Variants in TSNAX observed in about 807,000 individuals in gnomAD.
TSNAX encodes the protein translin-associated protein X.
A neutral mutation model predicts 33.0 loss-of-function variants in TSNAX; 12 were observed. The ratio of observed to expected loss-of-function variants is 0.36; its 90% CI spans 0.23 to 0.59. TSNAX has a LOEUF of 0.59. Ranked by LOEUF, TSNAX falls within the 20% of genes least tolerant of loss-of-function variation. The pLI is 0.74. For synonymous variants in TSNAX, 110 were observed against 117.2 expected (o/e 0.94, Z 0.40); for missense variants, 267 against 341.3 (o/e 0.78, Z 1.72).
At chr1:231,552,960 T>G (rs143894222) in intron 4 of TSNAX, among the ~76,000 whole-genome samples, 2 of 152,358 alleles carry the variant, frequency 1.3e-5, no homozygotes, top group East Asian at 3.9e-4. Context: ...GTCTGTTTTA[T>G]GGATATACTG....
intron 4 of TSNAX, among the ~76,000 whole-genome samples, chr1:231,552,193 G>T (rs1660357764): frequency 6.6e-6 from 1 of 152,046 alleles, no homozygotes; most frequent in Non-Finnish European, 1.5e-5. Flanking sequence ...GCTGAGGCAG[G>T]AGAGAGAATC....
chr1:231,533,109 C>T (rs947062815), intron 2 of TSNAX, among the ~76,000 whole-genome samples: 1 of 151,172 alleles, frequency 6.6e-6, no homozygotes, highest in South Asian at 2.1e-4. Context: ...CTCTGTCACC[C>T]AGACTGGCGT....
At chr1:231,557,102 A>G (rs747689486) in intron 4 of TSNAX, among the ~76,000 whole-genome samples, 19 of 152,082 alleles carry the variant, frequency 1.2e-4, no homozygotes, top group Admixed American at 6.5e-5. Flanking sequence ...CCAGGTTTGG[A>G]AGGAAGGTAG....
At chr1:231,532,131 A>ACAC (rs1231238804) in intron 2 of TSNAX, among the ~76,000 whole-genome samples, 2 of 85,150 alleles carry the variant, frequency 2.3e-5, no homozygotes, top group Admixed American at 1.4e-4. Flanking sequence ...TAGTGGTAAT[A>ACAC]ACACACACAC....
chr1:231,546,801 G>T (rs1426540710), intron 4 of TSNAX, among the ~76,000 whole-genome samples: 1 of 152,178 alleles, frequency 6.6e-6, no homozygotes, highest in Non-Finnish European at 1.5e-5. Context: ...GCTCTCTGGG[G>T]CTCTGCTGTT....
chr1:231,556,415 T>C (rs1660698735), intron 4 of TSNAX, among the ~76,000 whole-genome samples: 6 of 152,240 alleles, frequency 3.9e-5, no homozygotes, highest in Admixed American at 3.9e-4. Flanking sequence ...ACAGAAATGC[T>C]ATTTGTTTCT....
intron 5 of TSNAX, among the ~76,000 whole-genome samples, chr1:231,561,948 T>C (rs1376814080): frequency 6.6e-6 from 1 of 152,202 alleles, no homozygotes; most frequent in Admixed American, 6.5e-5. Context: ...AATCATTTAC[T>C]CAATTCATAA....
At position 231,564,504 on chromosome 1, in the gene TSNAX, TG is replaced by T. The variant is rs781684884; in HGVS notation, c.496-23del. On this transcript the variant is annotated intron_variant, in intron 5 of 5. Coordinates refer to ENST00000366639, the MANE Select transcript of TSNAX (RefSeq NM_005999.3). ...TCTTGTGTGTGTGTGTGTGTGTTTT[TG>T]TTTTGTTTTGTTTTTTTACCAGCCC... The T allele has an allele frequency of 2.1e-5, 29 of 1,369,648 alleles. No homozygotes were observed. The Admixed American group carries it at 4.6e-4, about 22-fold the overall frequency. 84.8% of individuals were successfully genotyped at this position (1,369,648 alleles called of 1,614,324 possible). A position where few individuals can be genotyped will look rare whatever the true frequency, so the allele number is the denominator to read the frequency against.
At position 231,565,033 on chromosome 1, in the gene TSNAX, T is replaced by A; in HGVS notation, c.*128T>A. The A allele has an allele frequency of 1.7e-6, 2 of 1,148,180 alleles. No homozygotes were observed. Among genetic ancestry groups the A allele is most frequent in the Non-Finnish European group, 2.4e-6 (2 of 830,320 alleles). The allele number at this position is 1,148,180 out of a possible 1,614,324, so 71.1% of individuals were successfully genotyped here. ...GAAACATATTCAGTTGTACTTGTTT[T>A]AAATTGTATACAAGCTGTACATAAA... On this transcript the variant is annotated 3_prime_UTR_variant, in exon 6 of 6. Transcript: ENST00000366639.
At chr1:231,550,688 C>T (rs1457287197) in intron 4 of TSNAX, among the ~76,000 whole-genome samples, 1 of 152,168 alleles carries the variant, frequency 6.6e-6, no homozygotes, top group Non-Finnish European at 1.5e-5. Flanking sequence ...CCTTCCTTTT[C>T]CTCTTCTACT....
At chr1:231,548,092 C>G (rs933966657) in intron 4 of TSNAX, among the ~76,000 whole-genome samples, 5 of 152,146 alleles carry the variant, frequency 3.3e-5, no homozygotes, top group African/African-American at 1.2e-4. Flanking sequence ...CTTGGCCTCC[C>G]AAAGTGCTGG....
chr1:231,561,046 T>C lies in TSNAX; in HGVS notation c.368-82T>C. On this transcript the variant is annotated intron_variant, in intron 4 of 5. Coordinates refer to ENST00000366639, the MANE Select transcript of TSNAX (RefSeq NM_005999.3). ...TTAAGCTTTTTTTTGAACTAGATGA[T>C]GATCAATATGAAGTTTTTTTATTAT... is the stretch of plus-strand genomic sequence containing the variant. 5 of 1,387,850 alleles carry C rather than the reference T, an allele frequency of 3.6e-6. 2 individuals carry two copies. The South Asian group carries it at 6.4e-5, about 18-fold the overall frequency. 86.0% of individuals were successfully genotyped at this position (1,387,850 alleles called of 1,614,324 possible). A position where few individuals can be genotyped will look rare whatever the true frequency, so the allele number is the denominator to read the frequency against.
intron 4 of TSNAX, among the ~76,000 whole-genome samples, chr1:231,543,917 T>C (rs539944097): frequency 2.6e-5 from 4 of 152,284 alleles, no homozygotes; most frequent in African/African-American, 9.6e-5. Flanking sequence ...GCACAACCTG[T>C]AAAGTGTGAC....
intron 4 of TSNAX, among the ~76,000 whole-genome samples, chr1:231,551,661 G>C (rs986498955): frequency 2.0e-5 from 3 of 151,728 alleles, no homozygotes; most frequent in Non-Finnish European, 4.4e-5. Context: ...TCGTTCTTCA[G>C]TGCTGATGTA....
At chr1:231,560,435 A>T (rs1661022768) in intron 4 of TSNAX, among the ~76,000 whole-genome samples, 1 of 68,750 alleles carries the variant, frequency 1.5e-5, no homozygotes, top group Admixed American at 2.5e-4. Context: ...TTTTTTTGAG[A>T]CGAAGTCTCG....
chr1:231,560,977 A>G (rs950864315), intron 4 of TSNAX, 151 bp from the exon 5 acceptor site: 1 of 722,276 alleles, frequency 1.4e-6, no homozygotes, highest in Admixed American at 3.5e-5. Context: ...CATTCTTTCT[A>G]TTCTAAGTGT....
chr1:231,549,934 G>T (rs1284443872), intron 4 of TSNAX, among the ~76,000 whole-genome samples: 1 of 152,158 alleles, frequency 6.6e-6, no homozygotes, highest in African/African-American at 2.4e-5. Flanking sequence ...TGAGATCGAG[G>T]TGTTGGCAAA....
At chr1:231,531,007 A>G (rs1185117672) in intron 2 of TSNAX, among the ~76,000 whole-genome samples, 2 of 150,502 alleles carry the variant, frequency 1.3e-5, no homozygotes, top group East Asian at 3.9e-4. Flanking sequence ...AGGCTGAGAT[A>G]ATAATTAGGC....
At chr1:231,560,419 T>TC (rs1661020569) in intron 4 of TSNAX, among the ~76,000 whole-genome samples, 1 of 44,322 alleles carries the variant, frequency 2.3e-5, no homozygotes, top group African/African-American at 1.2e-4. Context: ...CCCCCCCCCC[T>TC]TTTTTTTTTT....
Sources: gnomAD v4.1 joint callset for allele counts (sites outside exome capture counted in the v4.1 genomes callset) on GRCh38, gnomAD v4.1.1 for gene constraint, MANE v1.5 for transcripts, NCBI Gene and HGNC (gene_info 2026-07-23, HGNC 2026-07-21) for gene names.